Variants in NRXN1 observed in about 807,000 individuals in gnomAD.
NRXN1 encodes the protein neurexin 1.
In NRXN1, 39 loss-of-function variants were observed where a neutral mutation model predicts 150.9. The ratio of observed to expected loss-of-function variants is 0.26; its 90% CI spans 0.20 to 0.34. NRXN1 has a LOEUF of 0.34. Ranked by LOEUF, NRXN1 falls within the 10% of genes least tolerant of loss-of-function variation. The pLI is 1.00. For synonymous variants in NRXN1, 924 were observed against 757.0 expected, an observed-to-expected ratio of 1.22 and a Z score of -3.62; for missense variants, 1,815 against 1,949.9, an observed-to-expected ratio of 0.93 and a Z score of 1.30.
chr2:50,084,059 G>A (rs1354718863), intron 19 of NRXN1, among the ~76,000 whole-genome samples: 1 of 152,166 alleles, frequency 6.6e-6, no homozygotes, highest in Non-Finnish European at 1.5e-5. Context: ...AGTGCAGATT[G>A]GTGCATCCAC....
intron 2 of NRXN1, among the ~76,000 whole-genome samples, chr2:51,009,736 CTAT>C (rs996398198): frequency 2.6e-5 from 4 of 151,844 alleles, no homozygotes; most frequent in Non-Finnish European, 4.4e-5. Flanking sequence ...CAACACTGGC[CTAT>C]TCAGCCATAT....
At chr2:50,760,983 C>T (rs1701737976) in intron 5 of NRXN1, among the ~76,000 whole-genome samples, 1 of 151,888 alleles carries the variant, frequency 6.6e-6, no homozygotes, top group African/African-American at 2.4e-5. Flanking sequence ...TAACCATGAC[C>T]CAAACCAACC....
At chr2:50,489,580 A>G (rs1438023794) in intron 15 of NRXN1, among the ~76,000 whole-genome samples, 1 of 148,784 alleles carries the variant, frequency 6.7e-6, no homozygotes, top group Non-Finnish European at 1.5e-5. Flanking sequence ...TGTAAAAGGA[A>G]TTGGTCACAC....
chr2:50,194,890 C>G (rs868720299), intron 18 of NRXN1, among the ~76,000 whole-genome samples: 1 of 152,064 alleles, frequency 6.6e-6, no homozygotes, highest in Non-Finnish European at 1.5e-5. Flanking sequence ...CAACAGATAA[C>G]GTTAAGTATT....
intron 17 of NRXN1, among the ~76,000 whole-genome samples, chr2:50,328,216 T>C (rs188653126): frequency 2.0e-3 from 308 of 152,184 alleles, no homozygotes; most frequent in African/African-American, 7.0e-3. Context: ...GTAATTTTTT[T>C]TGTTTTTTTT....
chr2:49,980,422 T>C (rs1025574225), intron 21 of NRXN1, among the ~76,000 whole-genome samples: 1 of 152,074 alleles, frequency 6.6e-6, no homozygotes, highest in African/African-American at 2.4e-5. Flanking sequence ...TTTCAATGAA[T>C]AGAAATGGGA....
chr2:50,367,483 T>C (rs1474436517), intron 17 of NRXN1, among the ~76,000 whole-genome samples: 3 of 152,006 alleles, frequency 2.0e-5, no homozygotes, highest in Non-Finnish European at 4.4e-5. Flanking sequence ...CTAGCAAATA[T>C]TTATTGAGCA....
intron 19 of NRXN1, among the ~76,000 whole-genome samples, chr2:50,069,602 T>A: frequency 6.6e-6 from 1 of 152,152 alleles, no homozygotes; most frequent in East Asian, 1.9e-4. Context: ...GCCTTGACAA[T>A]TTTATGAAGA....
intron 17 of NRXN1, among the ~76,000 whole-genome samples, chr2:50,303,011 A>G (rs999180244): frequency 1.3e-5 from 2 of 152,196 alleles, no homozygotes; most frequent in Non-Finnish European, 1.5e-5. Flanking sequence ...GTCAAAAAAA[A>G]GTTTTTGAAC....
At chr2:50,680,357 T>C (rs942632274) in intron 5 of NRXN1, among the ~76,000 whole-genome samples, 1 of 152,114 alleles carries the variant, frequency 6.6e-6, no homozygotes, top group East Asian at 1.9e-4. Context: ...CAGAGACCTA[T>C]GAAGGATGAG....
chr2:49,986,540 T>C (rs6545137), intron 21 of NRXN1, among the ~76,000 whole-genome samples: 121,464 of 152,138 alleles, frequency 0.8, 48,991 homozygotes, highest in Middle Eastern at 0.87. Flanking sequence ...CATGTAGTCT[T>C]TAAAAAATTC....
intron 5 of NRXN1, among the ~76,000 whole-genome samples, chr2:50,783,647 T>C (rs559416603): frequency 6.6e-6 from 1 of 152,284 alleles, no homozygotes; most frequent in African/African-American, 2.4e-5. Context: ...TCACAGTGAA[T>C]TGCTACTAAG....
At position 50,949,613 on chromosome 2, in the gene NRXN1, G is replaced by T. The variant is rs77913147; in HGVS notation, c.773-23658C>A. On this transcript the variant is annotated intron_variant, in intron 2 of 22. Coordinates refer to ENST00000401669, the MANE Select transcript of NRXN1 (RefSeq NM_001330078.2). ...CTGCAAAGTTTTCCCATGGTACCAC[G>T]TTTCTGAGCATAATACATGGTGTGG... is the stretch of plus-strand genomic sequence containing the variant. Among the ~76,000 whole-genome samples, 57 of 152,082 alleles carry T rather than the reference G, an allele frequency of 3.7e-4. No individual in the cohort carries two copies. The East Asian group carries it at 0.011, about 28-fold the overall frequency.
At chr2:50,057,149 C>T (rs1247532805) in intron 19 of NRXN1, among the ~76,000 whole-genome samples, 1 of 152,162 alleles carries the variant, frequency 6.6e-6, no homozygotes, top group Non-Finnish European at 1.5e-5. Flanking sequence ...GATAAAATCT[C>T]AGACCCTTAG....
intron 5 of NRXN1, among the ~76,000 whole-genome samples, chr2:50,695,924 C>T (rs1426082044): frequency 1.4e-5 from 2 of 146,372 alleles, no homozygotes; most frequent in East Asian, 2.1e-4. Context: ...CTCACTGCAA[C>T]CTCTGCCCTC....
At chr2:50,474,278 T>C (rs984210026) in intron 15 of NRXN1, among the ~76,000 whole-genome samples, 6 of 151,934 alleles carry the variant, frequency 3.9e-5, no homozygotes, top group African/African-American at 1.4e-4. Flanking sequence ...GCTTTCTGTA[T>C]TTAAGTCTAA....
chr2:50,121,596 C>T (rs1029531407), intron 18 of NRXN1, among the ~76,000 whole-genome samples: 1 of 152,242 alleles, frequency 6.6e-6, no homozygotes, highest in East Asian at 1.9e-4. Context: ...TGGAACCAAT[C>T]CTTGGAGGAA....
At chr2:51,006,814 T>A (rs1002018254) in intron 2 of NRXN1, among the ~76,000 whole-genome samples, 4 of 151,920 alleles carry the variant, frequency 2.6e-5, no homozygotes, top group African/African-American at 9.7e-5. Flanking sequence ...CTCCCTATGT[T>A]CCCTTAGCTC....
At chr2:50,839,543 G>T (rs571089806) in intron 5 of NRXN1, among the ~76,000 whole-genome samples, 2 of 151,984 alleles carry the variant, frequency 1.3e-5, no homozygotes, top group African/African-American at 4.8e-5. Flanking sequence ...TTTTGAAACC[G>T]ATGAGGCCAG....
Sources: gnomAD v4.1 joint callset for allele counts (sites outside exome capture counted in the v4.1 genomes callset) on GRCh38, gnomAD v4.1.1 for gene constraint, MANE v1.5 for transcripts, NCBI Gene and HGNC (gene_info 2026-07-23, HGNC 2026-07-21) for gene names.